The following ZNF274 variants were observed in gnomAD, a reference collection of about 807,000 sequenced individuals.
The protein encoded by ZNF274 is zinc finger protein 274.
Under a neutral mutation model 42.5 loss-of-function variants are expected in ZNF274, and 23 were observed. That is an observed-to-expected ratio of 0.54 (90% CI 0.39 to 0.77). The LOEUF (loss-of-function observed/expected upper bound fraction) is 0.77. Among genes scored for constraint, ZNF274 ranks in the 30% least tolerant of loss-of-function variants. ZNF274 has a pLI of 0.00. For missense variants in ZNF274, 679 were observed against 806.5 expected, an observed-to-expected ratio of 0.84 and a Z score of 1.91; for synonymous variants, 292 against 305.4, an observed-to-expected ratio of 0.96 and a Z score of 0.46.
chr19:58,188,605 CA>C lies in ZNF274; in HGVS notation c.256+1579del, dbSNP rs1163562490. On this transcript the variant is annotated intron_variant, in intron 4 of 7. Coordinates refer to ENST00000617501, the MANE Select transcript of ZNF274 (RefSeq NM_133502.3). ...TGCGTGACAGAGTGAGACTCCATCT[CA>C]AAAAAAAAAAAAAAATATATATATA... Among the ~76,000 whole-genome samples, 276 of 48,792 alleles carry C rather than the reference CA, an allele frequency of 5.7e-3. 1 individual carries two copies. Among genetic ancestry groups the C allele is most frequent in the South Asian group, 0.017 (28 of 1,662 alleles). 32.0% of individuals were successfully genotyped at this position (48,792 alleles called of 152,430 possible).
At chr19:58,186,925 C>CTG (rs777896117) in intron 3 of ZNF274, 22 bp from the exon 4 acceptor site, 29 of 1,607,462 alleles carry the variant, frequency 1.8e-5, no homozygotes, top group Non-Finnish European at 2.1e-5. Context: ...CCCACAAGCC[C>CTG]TGTCTCTTTT....
intron 4 of ZNF274, among the ~76,000 whole-genome samples, chr19:58,201,509 A>C (rs1398816042): frequency 7.6e-6 from 1 of 131,634 alleles, no homozygotes; most frequent in Non-Finnish European, 1.7e-5. Context: ...TCCCAGCATG[A>C]ATTTCTTTTT....
chr19:58,207,219 G>T lies in ZNF274; in HGVS notation c.739+17G>T, dbSNP rs1040488888. 5.6e-6 allele frequency: 9 copies of T among 1,597,568 alleles called. No homozygotes were observed. The highest frequency in any genetic ancestry group is 7.7e-6 in the Non-Finnish European group (9 of 1,171,036). On this transcript the variant is annotated intron_variant, in intron 5 of 7. Coordinates refer to ENST00000617501, the MANE Select transcript of ZNF274 (RefSeq NM_133502.3). This position sits in a 1 kb window ranked among gnomAD's most constrained non-coding sequence, Gnocchi z 5.6. ...AGGAGGAAGGTAAGTAGAAGGGTGG[G>T]TAGAGGGACAGCTTAATGAGGGTGT... is the stretch of plus-strand genomic sequence containing the variant.
At chr19:58,189,528 G>T (rs965138503) in intron 4 of ZNF274, among the ~76,000 whole-genome samples, 12 of 151,984 alleles carry the variant, frequency 7.9e-5, no homozygotes, top group African/African-American at 2.9e-4. Context: ...TTATATACTG[G>T]CCTCTATGGG....
intron 4 of ZNF274, among the ~76,000 whole-genome samples, chr19:58,203,669 G>A (rs905248376): frequency 2.3e-4 from 35 of 152,002 alleles, no homozygotes; most frequent in African/African-American, 8.4e-4. Flanking sequence ...TTGGGGCGAA[G>A]TAAGTCCCCA....
rs34170370 is a variant in ZNF274, at chr19:58,200,865, C to A, written c.257-5855C>A. Among the ~76,000 whole-genome samples the A allele has an allele frequency of 7.6e-3, 1,155 of 152,160 alleles. 15 individuals are homozygous for A. Among genetic ancestry groups the A allele is most frequent in the African/African-American group, 0.027 (1,107 of 41,498 alleles). On this transcript the variant is annotated intron_variant, in intron 4 of 7. Transcript: ENST00000617501. The stretch of plus-strand genomic sequence containing the variant: ...TTGGCTCACAGTTCTGCAGGCTGTA[C>A]AAGGGTGGCACTGGCATCTGGTTGG...
intron 4 of ZNF274, among the ~76,000 whole-genome samples, chr19:58,196,458 A>T (rs1421103717): frequency 6.6e-6 from 1 of 151,964 alleles, no homozygotes; most frequent in Non-Finnish European, 1.5e-5. Context: ...GCTACTTGGG[A>T]GGCTGAGGTG....
chr19:58,188,694 GTATATATATATATATA>G (rs71925177), intron 4 of ZNF274, among the ~76,000 whole-genome samples: 831 of 74,670 alleles, frequency 0.011, 21 homozygotes, highest in African/African-American at 0.04. Flanking sequence ...ATATGTATAT[GTATATATATATATATA>G]TATATATATA....
At chr19:58,203,405 G>A (rs1275449835) in intron 4 of ZNF274, among the ~76,000 whole-genome samples, 4 of 152,114 alleles carry the variant, frequency 2.6e-5, no homozygotes, top group African/African-American at 7.2e-5. Flanking sequence ...CCAAGATGGC[G>A]AAACCCTGTC....
In ZNF274 at chr19:58,213,143, G is replaced by T. The variant is rs747916070; in HGVS notation, c.1962G>T (p.Ter654TyrextTer35). 6.2e-7 allele frequency: 1 copy of T among 1,604,728 alleles called. No homozygotes were observed. Among genetic ancestry groups the T allele is most frequent in the Non-Finnish European group, 8.5e-7 (1 of 1,174,488 alleles). ...GAAAGAAGAAACAGCCTACCTCATA[G>T]CTCTCAAGCCAGTTGAAGAAACCTT... ...TKRKKKQPTS[*>Y] The change falls in exon 8 of 8, where the codon TAG (stop) becomes TAT (tyrosine). Residue 654 changes from the stop codon to tyrosine, a stop_lost. Transcript: ENST00000617501.
intron 4 of ZNF274, among the ~76,000 whole-genome samples, chr19:58,192,645 G>A (rs1279866882): frequency 2.6e-5 from 4 of 152,118 alleles, no homozygotes; most frequent in African/African-American, 7.2e-5. Context: ...TTATAATACC[G>A]AATATGATGT....
Position 58,183,955 on chromosome 19 carries a change from A to T in ZNF274, c.-11A>T, listed in dbSNP as rs2075663370. 4.4e-6 allele frequency: 7 copies of T among 1,593,896 alleles called. No individual in the cohort carries two copies. Among genetic ancestry groups the T allele is most frequent in the African/African-American group, 1.3e-5 (1 of 74,462 alleles). On this transcript the variant is annotated 5_prime_UTR_variant, in exon 2 of 8. In the 5' UTR this introduces an upstream ATG that the reference lacks. Transcript: ENST00000617501. ...CACTTCCACCAGAGACACATTGAGA[A>T]GGAGGAAACTATGGCCTCCAGGCTT... is the stretch of plus-strand genomic sequence containing the variant.
At position 58,213,055 on chromosome 19, in the gene ZNF274, G is replaced by C; in HGVS notation, c.1874G>C (p.Gly625Ala). The C allele has an allele frequency of 6.2e-7, 1 of 1,614,094 alleles. No homozygotes were observed. The highest frequency in any genetic ancestry group is 2.2e-5 in the East Asian group (1 of 44,890). ...GERPYACNKC[G>A]KAFTQSSHLI... ...CGCCCATATGCATGCAACAAATGTGGAAAGGCCTTCACCCAGAGCTCACAC... is the reference window on the plus strand; with the variant it reads ...CGCCCATATGCATGCAACAAATGTGCAAAGGCCTTCACCCAGAGCTCACAC... Residue 625 changes from glycine to alanine, a missense_variant, in exon 8 of 8, where the codon GGA becomes GCA. By Grantham distance (60) the Gly-to-Ala change is moderately conservative (BLOSUM62 0). Transcript: ENST00000617501.
intron 4 of ZNF274, among the ~76,000 whole-genome samples, chr19:58,196,794 C>G (rs1235942731): frequency 1.3e-5 from 2 of 152,170 alleles, no homozygotes; most frequent in Non-Finnish European, 2.9e-5. Context: ...AATTCACTTT[C>G]AGCCTGTCTT....
Position 58,213,408 on chromosome 19 carries a change from TAATAA to T in ZNF274, c.*269_*273del. 2.6e-6 allele frequency: 1 copy of T among 391,906 alleles called. No homozygotes were observed. Among genetic ancestry groups the T allele is most frequent in the East Asian group, 3.9e-5 (1 of 25,364 alleles). The allele number at this position is 391,906 out of a possible 1,614,324, so 24.3% of individuals were successfully genotyped here. ...CTCATTTAGTCATTAAAAGTGAGATTAATAAAATCTGAAAATGTTATATAATAACT... is the reference window on the plus strand; with the variant it reads ...CTCATTTAGTCATTAAAAGTGAGATTAATCTGAAAATGTTATATAATAACT... On this transcript the variant is annotated 3_prime_UTR_variant, in exon 8 of 8. Coordinates refer to ENST00000617501, the MANE Select transcript of ZNF274 (RefSeq NM_133502.3).
intron 4 of ZNF274, among the ~76,000 whole-genome samples, chr19:58,204,461 A>C (rs537450628): frequency 5.3e-4 from 81 of 151,940 alleles, no homozygotes; most frequent in Admixed American, 1.0e-3. Flanking sequence ...GGGTTAGCTT[A>C]TGGTTGTGGC....
intron 4 of ZNF274, among the ~76,000 whole-genome samples, chr19:58,204,677 T>C (rs1340104788): frequency 6.6e-6 from 1 of 152,192 alleles, no homozygotes; most frequent in Non-Finnish European, 1.5e-5. Flanking sequence ...CTAAAAGTAG[T>C]GCAGGTTTTA....
intron 4 of ZNF274, among the ~76,000 whole-genome samples, chr19:58,188,704 A>ATATATATATATATATG (rs2075741076): frequency 8.6e-6 from 1 of 116,876 alleles, no homozygotes; most frequent in Non-Finnish European, 1.8e-5. Flanking sequence ...GTATATATAT[A>ATATATATATATATATG]TATATATATA....
At chr19:58,192,530 C>T (rs2075789974) in intron 4 of ZNF274, among the ~76,000 whole-genome samples, 1 of 152,154 alleles carries the variant, frequency 6.6e-6, no homozygotes, top group Non-Finnish European at 1.5e-5. Flanking sequence ...ACCTCCTGCA[C>T]ATAACAAAAT....
Sources: allele counts gnomAD v4.1 joint callset (sites outside exome capture counted in the v4.1 genomes callset), GRCh38; gene constraint gnomAD v4.1.1; non-coding constraint Gnocchi (gnomAD v3.1); transcripts MANE v1.5; gene names NCBI Gene and HGNC (gene_info 2026-07-23, HGNC 2026-07-21).